Variants in BROX observed in about 807,000 individuals in gnomAD.
BROX encodes BRO1 domain-containing protein BROX.
A neutral mutation model predicts 61.0 loss-of-function variants in BROX; 53 were observed. That is an observed-to-expected ratio of 0.87 (90% CI 0.70 to 1.09). The LOEUF (loss-of-function observed/expected upper bound fraction) is 1.09, where lower values mean the gene tolerates loss of function less well. Among genes scored for constraint, BROX ranks in the 50% least tolerant of loss-of-function variants. The pLI is 0.00. For synonymous variants in BROX, 152 were observed against 160.2 expected (o/e 0.95, Z 0.38); for missense variants, 489 against 472.0 (o/e 1.04, Z -0.33).
chr1:222,727,180 G>T lies in BROX; in HGVS notation c.593G>T (p.Arg198Leu). 6.2e-7 allele frequency: 1 copy of T among 1,611,914 alleles called. No individual in the cohort carries two copies. The highest frequency in any genetic ancestry group is 8.5e-7 in the Non-Finnish European group (1 of 1,178,720). Reference sequence around the variant, plus strand: ...TGTTTGGTTACAGTAACAATTGCTCGAGCAATTGAACTAAAACATGCTCCT... The same window carrying T: ...TGTTTGGTTACAGTAACAATTGCTCTAGCAATTGAACTAAAACATGCTCCT... ...QAEAQEVTIARAIELKHAPGL... is the reference protein window; with the variant it reads ...QAEAQEVTIALAIELKHAPGL... The change falls in exon 8 of 13, where the codon CGA becomes CTA. Residue 198 changes from arginine (R) to leucine (L), a missense_variant. Arg to Leu is a moderately radical substitution (Grantham distance 102, BLOSUM62 -2). Coordinates refer to ENST00000340934, the MANE Select transcript of BROX (RefSeq NM_144695.4).
intron 11 of BROX, among the ~76,000 whole-genome samples, chr1:222,730,511 A>G (rs1002571570): frequency 6.6e-6 from 1 of 152,154 alleles, no homozygotes; most frequent in Non-Finnish European, 1.5e-5. Flanking sequence ...TGGGAGAATC[A>G]TCTGAAGCTG....
Position 222,712,643 on chromosome 1 carries a change from G to C in BROX, c.-316G>C, listed in dbSNP as rs1050177221. 316 of 1,317,682 alleles carry C rather than the reference G, an allele frequency of 2.4e-4. No homozygotes were observed. The highest frequency in any genetic ancestry group is 2.9e-4 in the Non-Finnish European group (296 of 1,006,458). 81.6% of individuals were successfully genotyped at this position (1,317,682 alleles called of 1,614,324 possible). On this transcript the variant is annotated 5_prime_UTR_variant, in exon 1 of 13. Coordinates refer to ENST00000340934, the MANE Select transcript of BROX (RefSeq NM_144695.4). The stretch of plus-strand genomic sequence containing the variant: ...AGGGGCAACTCTTCTCTTCCTGTCT[G>C]GGAAAAAGACCATAGCTCAAAAGGA...
chr1:222,719,978 A>G (rs1656946463), intron 4 of BROX, among the ~76,000 whole-genome samples: 1 of 152,226 alleles, frequency 6.6e-6, no homozygotes, highest in Non-Finnish European at 1.5e-5. Flanking sequence ...AAATGCCCGT[A>G]TATTTTAATC....
intron 8 of BROX, 77 bp from the exon 9 acceptor site, chr1:222,728,666 C>T (rs1318832081): frequency 3.4e-6 from 3 of 883,896 alleles, no homozygotes; most frequent in Admixed American, 2.2e-5. Context: ...CTGCTTTTAT[C>T]ATCAGAACAC....
At chr1:222,722,656 A>G in intron 5 of BROX, 142 bp downstream of exon 5, 1 of 642,552 alleles carries the variant, frequency 1.6e-6, no homozygotes, top group Non-Finnish European at 2.6e-6. Context: ...TGAGTGTCAG[A>G]ATTATGGCAC....
At chr1:222,718,764 A>G (rs1656828754) in intron 2 of BROX, among the ~76,000 whole-genome samples, 161 bp from the exon 3 acceptor site, 1 of 152,102 alleles carries the variant, frequency 6.6e-6, no homozygotes, top group Non-Finnish European at 1.5e-5. Context: ...GGAGGTAGGC[A>G]TGTGCATGCG....
intron 1 of BROX, chr1:222,713,389 G>T (rs1656227215): frequency 1.0e-6 from 1 of 985,446 alleles, no homozygotes; most frequent in African/African-American, 1.7e-5. Context: ...CAGGAAGTGG[G>T]CGCTCAGAGC....
chr1:222,733,502 T>G lies in BROX; in HGVS notation c.*788T>G, dbSNP rs973190889. 4 of 152,270 alleles carry G rather than the reference T, an allele frequency of 2.6e-5. No individual in the cohort carries two copies. Among genetic ancestry groups the G allele is most frequent in the African/African-American group, 4.8e-5 (2 of 41,472 alleles). 9.4% of individuals were successfully genotyped at this position (152,270 alleles called of 1,614,324 possible). On this transcript the variant is annotated 3_prime_UTR_variant, in exon 13 of 13. Coordinates refer to ENST00000340934, the MANE Select transcript of BROX (RefSeq NM_144695.4). ...TTTTTCCGTTTCTCCATTGTGTTAA[T>G]CAGAGCGCAGACTTACATTCTCAGT...
Position 222,712,948 on chromosome 1 carries a change from T to C in BROX, c.-17+6T>C. The C allele has an allele frequency of 8.4e-7, 1 of 1,187,480 alleles. No individual in the cohort carries two copies. The highest frequency in any genetic ancestry group is 1.6e-5 in the South Asian group (1 of 63,592). The allele number at this position is 1,187,480 out of a possible 1,614,324, so 73.6% of individuals were successfully genotyped here. On this transcript the variant is annotated splice_donor_region_variant and intron_variant, in intron 1 of 12. Transcript: ENST00000340934. Reference sequence around the variant, plus strand: ...AACCGACTCTGAGAAATTTGGTAAGTATGTCAGAGGATGGGTGTTTCTCAG... The same window carrying C: ...AACCGACTCTGAGAAATTTGGTAAGCATGTCAGAGGATGGGTGTTTCTCAG...
In BROX at chr1:222,722,441, GAATT is replaced by G; in HGVS notation, c.333_336del (p.Leu111PhefsTer7). 6.2e-7 allele frequency: 1 copy of G among 1,613,180 alleles called. No homozygotes were observed. The highest frequency in any genetic ancestry group is 8.5e-7 in the Non-Finnish European group (1 of 1,179,480). On this transcript the variant is annotated frameshift_variant, in exon 5 of 13. Transcript: ENST00000340934. LOFTEE classifies it high-confidence loss of function. Reference sequence around the variant, plus strand: ...CAGTGCCCAGCAGGATGCTGTTTTTGAATTAATTTCCATGGGATTTAATGTAGCT... The same window carrying G: ...CAGTGCCCAGCAGGATGCTGTTTTTGAATTTCCATGGGATTTAATGTAGCT...
In BROX at chr1:222,716,528, A is replaced by G. The variant is rs527320036; in HGVS notation, c.101+728A>G. 1.8e-4 allele frequency among the ~76,000 whole-genome samples: 28 copies of G among 152,348 alleles called. No individual in the cohort carries two copies. The South Asian group carries it at 5.0e-3, about 27-fold the overall frequency. On this transcript the variant is annotated intron_variant, in intron 2 of 12. Coordinates refer to ENST00000340934, the MANE Select transcript of BROX (RefSeq NM_144695.4). ...AGTACTTGAGATAGGCCTTGAATGAATTGTATGGCTTAGATCAGGGGTTGG... is the reference window on the plus strand; with the variant it reads ...AGTACTTGAGATAGGCCTTGAATGAGTTGTATGGCTTAGATCAGGGGTTGG...
chr1:222,728,114 G>A (rs1657647019), intron 8 of BROX, among the ~76,000 whole-genome samples: 2 of 152,134 alleles, frequency 1.3e-5, no homozygotes, highest in South Asian at 4.1e-4. Context: ...GACTTGATTG[G>A]ATTTGAATTT....
chr1:222,731,047 A>G (rs938621484), intron 11 of BROX, among the ~76,000 whole-genome samples: 6 of 152,178 alleles, frequency 3.9e-5, no homozygotes, highest in Admixed American at 6.5e-5. Context: ...TCATCTAGTC[A>G]TAATGAGCTT....
chr1:222,718,834 T>C, intron 2 of BROX, 91 bp from the exon 3 acceptor site: 1 of 995,760 alleles, frequency 1.0e-6, no homozygotes, highest in Non-Finnish European at 1.6e-6. Context: ...TGTGTGTGTT[T>C]TAAAGCTTTT....
intron 8 of BROX, among the ~76,000 whole-genome samples, chr1:222,727,589 G>A (rs1657604417): frequency 6.6e-6 from 1 of 152,176 alleles, no homozygotes; most frequent in Admixed American, 6.5e-5. Flanking sequence ...TCAACTGCTA[G>A]AAAGTGGGAG....
At chr1:222,720,820 T>TA (rs1657042368) in intron 4 of BROX, among the ~76,000 whole-genome samples, 1 of 152,022 alleles carries the variant, frequency 6.6e-6, no homozygotes, top group African/African-American at 2.4e-5. Context: ...CTCAAAAAAA[T>TA]AAAAAAATTT....
In BROX at chr1:222,728,828, T is replaced by A. The variant is rs753201364; in HGVS notation, c.756T>A (p.Tyr252Ter). The A allele has an allele frequency of 6.3e-7, 1 of 1,578,712 alleles. No individual in the cohort carries two copies. The highest frequency in any genetic ancestry group is 1.1e-5 in the South Asian group (1 of 87,814). ...TGAAGATGTGTTTCTACACAGCTTA[T>A]GTAAGTATTCACAACGCTAAAAACA... ...LHLKMCFYTAYAYCYHGETLL... is the reference protein window; with the variant it reads ...LHLKMCFYTA The change falls in exon 9 of 13, where the codon TAT (tyrosine) becomes TAA (stop). Residue 252 changes from tyrosine (Y) to a stop codon, truncating the protein, a stop_gained and splice_region_variant. Transcript: ENST00000340934. LOFTEE classifies it high-confidence loss of function.
At chr1:222,728,441 A>G (rs1361452463) in intron 8 of BROX, among the ~76,000 whole-genome samples, 1 of 152,166 alleles carries the variant, frequency 6.6e-6, no homozygotes, top group Admixed American at 6.5e-5. Context: ...ATTAGCTAAT[A>G]TAACGGTATA....
At chr1:222,715,645 T>C (rs919661073) in intron 1 of BROX, 39 bp from the exon 2 acceptor site, 49 of 861,786 alleles carry the variant, frequency 5.7e-5, no homozygotes, top group Non-Finnish European at 7.9e-5. Context: ...AAATATTTTA[T>C]ATTTAATTTT....
Sources: gnomAD v4.1 joint callset for allele counts (sites outside exome capture counted in the v4.1 genomes callset) on GRCh38, gnomAD v4.1.1 for gene constraint, MANE v1.5 for transcripts, NCBI Gene and HGNC (gene_info 2026-07-23, HGNC 2026-07-21) for gene names.